Variants in TLR6 observed in about 807,000 individuals in gnomAD.
The protein encoded by TLR6 is toll-like receptor 6.
In TLR6, 9 loss-of-function variants were observed where a neutral mutation model predicts 16.1. That is an observed-to-expected ratio of 0.56 (90% CI 0.34 to 0.98). The LOEUF (loss-of-function observed/expected upper bound fraction) is 0.98. TLR6 is among the 50% of genes least tolerant of loss of function. The pLI is 0.02. For missense variants in TLR6, 786 were observed against 921.0 expected (o/e 0.85, Z 1.90); for synonymous variants, 340 against 338.6 (o/e 1.00, Z -0.04).
the TLR6 span, among the ~76,000 whole-genome samples, chr4:38,861,905 G>A: frequency 6.6e-6 from 1 of 152,266 alleles, no homozygotes; most frequent in Admixed American, 6.5e-5. Flanking sequence ...GCTTGCTGAT[G>A]TCTCCTCAAT....
chr4:38,837,830 T>C (rs1712012062), intron 1 of TLR6, among the ~76,000 whole-genome samples: 1 of 152,088 alleles, frequency 6.6e-6, no homozygotes, highest in Admixed American at 6.6e-5. Context: ...TGGGCGAAAA[T>C]ATTTGCAAAC....
At chr4:38,836,379 A>G (rs1241442206) in intron 1 of TLR6, among the ~76,000 whole-genome samples, 1 of 152,214 alleles carries the variant, frequency 6.6e-6, no homozygotes, top group Non-Finnish European at 1.5e-5. Flanking sequence ...GAAACCCTAC[A>G]GGAAATGTAT....
chr4:38,855,442 A>T (rs1013041282), intron 1 of TLR6, among the ~76,000 whole-genome samples: 2 of 152,210 alleles, frequency 1.3e-5, no homozygotes, highest in Non-Finnish European at 2.9e-5. Context: ...AATCCAAAAA[A>T]GTTATCGTAA....
intron 1 of TLR6, among the ~76,000 whole-genome samples, chr4:38,851,573 A>C (rs1712775077): frequency 6.6e-6 from 1 of 152,216 alleles, no homozygotes; most frequent in Admixed American, 6.5e-5. Flanking sequence ...AAAAATCACA[A>C]GCATTCTTAT....
chr4:38,839,885 G>A (rs559828493), intron 1 of TLR6, among the ~76,000 whole-genome samples: 1 of 152,336 alleles, frequency 6.6e-6, no homozygotes, highest in Admixed American at 6.5e-5. Flanking sequence ...CCTCCGATGG[G>A]CACTCGACAG....
downstream of TLR6, among the ~76,000 whole-genome samples, chr4:38,823,419 C>T (rs115756523): frequency 0.025 from 3,822 of 152,296 alleles, 87 homozygotes; most frequent in East Asian, 0.081. Flanking sequence ...ACCTAACACA[C>T]ATCTCAGAAC....
chr4:38,846,818 GA>G (rs1316194983), intron 1 of TLR6, among the ~76,000 whole-genome samples: 2 of 151,992 alleles, frequency 1.3e-5, no homozygotes, highest in Non-Finnish European at 2.9e-5. Flanking sequence ...TTGTCTAATT[GA>G]AAGGAAGCTA....
chr4:38,868,029 C>A, the TLR6 span: 2 of 424,330 alleles, frequency 4.7e-6, no homozygotes, highest in Non-Finnish European at 4.8e-6. Context: ...GCGGCGCGGC[C>A]GAGGGACCTG....
At chr4:38,858,877 AAGAAAGAAAGAGAG>A (rs1356652550), upstream of TLR6, among the ~76,000 whole-genome samples, 16 of 120,550 alleles carry the variant, frequency 1.3e-4, no homozygotes, top group South Asian at 2.8e-4. Flanking sequence ...GAAAGAAAGA[AAGAAAGAAAGAGAG>A]AAAGAAAGAA....
intron 1 of TLR6, among the ~76,000 whole-genome samples, chr4:38,834,064 TA>T (rs372189493): frequency 0.017 from 2,402 of 137,480 alleles, 50 homozygotes; most frequent in East Asian, 0.081. Flanking sequence ...ATATCTGTAC[TA>T]AAAAAAAAAA....
chr4:38,845,320 A>T (rs1283336067), intron 1 of TLR6, among the ~76,000 whole-genome samples: 1 of 152,204 alleles, frequency 6.6e-6, no homozygotes, highest in Non-Finnish European at 1.5e-5. Context: ...TGGCCTCCCA[A>T]AGATGTCTAC....
At chr4:38,866,642 G>A in the TLR6 span, among the ~76,000 whole-genome samples, 1 of 151,988 alleles carries the variant, frequency 6.6e-6, no homozygotes, top group Non-Finnish European at 1.5e-5. Context: ...AGTGGTTTTG[G>A]TTGATATGTA....
chr4:38,840,414 A>G (rs1363768941), intron 1 of TLR6, among the ~76,000 whole-genome samples: 1 of 152,016 alleles, frequency 6.6e-6, no homozygotes, highest in Non-Finnish European at 1.5e-5. Flanking sequence ...CCCATGGATC[A>G]CGAGGTCAGG....
At chr4:38,823,679 C>A (rs948405905), downstream of TLR6, 1 of 152,180 alleles carries the variant, frequency 6.6e-6, no homozygotes, top group Non-Finnish European at 1.5e-5. Flanking sequence ...GTTTTGCCTC[C>A]TTTTCGCTTT....
At chr4:38,836,531 T>C (rs1025676138) in intron 1 of TLR6, among the ~76,000 whole-genome samples, 1 of 152,238 alleles carries the variant, frequency 6.6e-6, no homozygotes, top group Non-Finnish European at 1.5e-5. Flanking sequence ...ATGGCTTTAC[T>C]GCTGAATTTT....
chr4:38,828,187 A>G (rs1727644515), exon 2 of TLR6: 8 of 1,614,032 alleles, frequency 5.0e-6, no homozygotes, highest in Non-Finnish European at 6.8e-6. Flanking sequence ...ACACCACTAT[A>G]CTCTCAACCC....
At chr4:38,842,571 T>G (rs1414290232) in intron 1 of TLR6, among the ~76,000 whole-genome samples, 6 of 152,226 alleles carry the variant, frequency 3.9e-5, no homozygotes, top group Non-Finnish European at 7.3e-5. Flanking sequence ...AGACATATGC[T>G]TAGGAGTCTA....
At chr4:38,855,945 T>C (rs985022520) in intron 1 of TLR6, among the ~76,000 whole-genome samples, 2 of 151,066 alleles carry the variant, frequency 1.3e-5, no homozygotes, top group Non-Finnish European at 3.0e-5. Context: ...TAAGCTACAT[T>C]TCAGAAAAAA....
intron 1 of TLR6, among the ~76,000 whole-genome samples, chr4:38,853,382 T>C (rs533968430): frequency 1.1e-5 from 1 of 94,418 alleles, no homozygotes; most frequent in Non-Finnish European, 2.9e-5. Context: ...AGTATAATAA[T>C]AAAAAAAAAA....
Sources: allele counts gnomAD v4.1 joint callset (sites outside exome capture counted in the v4.1 genomes callset), GRCh38; gene constraint gnomAD v4.1.1; transcripts MANE v1.5; gene names NCBI Gene and HGNC (gene_info 2026-07-23, HGNC 2026-07-21).